DENND2C: variants seen among roughly 807,000 people sequenced by gnomAD.
DENND2C encodes the protein DENN domain-containing protein 2C.
In DENND2C, 72 loss-of-function variants were observed where a neutral mutation model predicts 112.4. The ratio of observed to expected loss-of-function variants is 0.64; its 90% CI spans 0.53 to 0.78. The LOEUF (loss-of-function observed/expected upper bound fraction) is 0.78, where lower values mean the gene tolerates loss of function less well. Ranked by LOEUF, DENND2C falls within the 30% of genes least tolerant of loss-of-function variation. The pLI is 0.00. For synonymous variants in DENND2C, 329 were observed against 381.6 expected (o/e 0.86, Z 1.61); for missense variants, 992 against 1,113.8 (o/e 0.89, Z 1.56).
At chr1:114,621,236 A>T (rs1656155935) in intron 7 of DENND2C, among the ~76,000 whole-genome samples, 1 of 152,214 alleles carries the variant, frequency 6.6e-6, no homozygotes, top group African/African-American at 2.4e-5. Flanking sequence ...CAGCCTGGGC[A>T]ATATAGCGAG....
chr1:114,630,238 G>C (rs1656452237), intron 3 of DENND2C, among the ~76,000 whole-genome samples: 5 of 151,988 alleles, frequency 3.3e-5, no homozygotes, highest in African/African-American at 1.2e-4. Context: ...AACCCGGGAG[G>C]TAGAGGCTTC....
intron 7 of DENND2C, 35 bp downstream of exon 7, chr1:114,621,856 GAAGT>G: frequency 1.3e-6 from 2 of 1,548,314 alleles, no homozygotes; most frequent in Non-Finnish European, 8.7e-7. Flanking sequence ...TGGAAATGCT[GAAGT>G]AAGAGTCAAA....
At chr1:114,632,051 G>T (rs1656504864) in intron 3 of DENND2C, among the ~76,000 whole-genome samples, 1 of 151,922 alleles carries the variant, frequency 6.6e-6, no homozygotes, top group African/African-American at 2.4e-5. Flanking sequence ...GTTTTAGAAG[G>T]AATGACCAAT....
chr1:114,628,054 C>A (rs757873423), intron 3 of DENND2C, among the ~76,000 whole-genome samples: 8 of 151,900 alleles, frequency 5.3e-5, no homozygotes, highest in Admixed American at 1.3e-4. Context: ...ACTTGTCATC[C>A]CAGGACTTTA....
At chr1:114,615,752 T>C (rs987295345) in intron 8 of DENND2C, among the ~76,000 whole-genome samples, 1 of 152,178 alleles carries the variant, frequency 6.6e-6, no homozygotes, top group Admixed American at 6.5e-5. Flanking sequence ...TGTTAGAATA[T>C]AAAATAGGTT....
At chr1:114,659,745 C>A (rs895802318) in intron 1 of DENND2C, among the ~76,000 whole-genome samples, 3 of 148,702 alleles carry the variant, frequency 2.0e-5, no homozygotes, top group African/African-American at 7.5e-5. Context: ...TTTTCCTTTC[C>A]TTTCTTCCTT....
At chr1:114,666,258 C>T (rs1657645342) in intron 1 of DENND2C, among the ~76,000 whole-genome samples, 1 of 152,154 alleles carries the variant, frequency 6.6e-6, no homozygotes, top group African/African-American at 2.4e-5. Flanking sequence ...GCAACAGCCT[C>T]CTAACTTATC....
rs546158136 is a variant in DENND2C, at chr1:114,623,014, G to T, written c.1029C>A (p.Pro343=). The change falls in exon 6 of 21, where the codon CCC becomes CCA. Residue 343 remains proline (P), a synonymous_variant. Transcript: ENST00000393274. ...TGGGTGCTTTAAAAGCACTTTTAGC[G>T]GGTGGTAGCTTCCATGCTGAAGGGG... ...WRSPSAWKLP[P]AKSAFKAPKL... The T allele has an allele frequency of 8.1e-6, 13 of 1,612,938 alleles. No individual in the cohort carries two copies. The highest frequency in any genetic ancestry group is 1.0e-5 in the Non-Finnish European group (12 of 1,179,446).
chr1:114,619,462 G>A (rs1656101365), intron 7 of DENND2C, among the ~76,000 whole-genome samples: 1 of 152,036 alleles, frequency 6.6e-6, no homozygotes, highest in Non-Finnish European at 1.5e-5. Context: ...TGTTTCTCTA[G>A]CCATCCTGAC....
chr1:114,593,511 G>A (rs781064097), intron 18 of DENND2C, among the ~76,000 whole-genome samples: 1 of 152,188 alleles, frequency 6.6e-6, no homozygotes, highest in Non-Finnish European at 1.5e-5. Flanking sequence ...TAGGCCAGGT[G>A]TGGTGGCTCA....
At chr1:114,646,365 T>C (rs1656988841) in intron 2 of DENND2C, among the ~76,000 whole-genome samples, 1 of 152,230 alleles carries the variant, frequency 6.6e-6, no homozygotes, top group African/African-American at 2.4e-5. Flanking sequence ...AGGAAAATGG[T>C]GTGACATTTT....
chr1:114,601,090 C>T (rs1655492232), intron 13 of DENND2C, 130 bp from the exon 14 acceptor site: 5 of 990,198 alleles, frequency 5.0e-6, no homozygotes, highest in Non-Finnish European at 5.6e-6. Context: ...AGATAAGCTT[C>T]TGCAATCAAT....
At chr1:114,600,394 A>G (rs1181609522) in intron 14 of DENND2C, 42 bp from the exon 15 acceptor site, 2 of 1,611,780 alleles carry the variant, frequency 1.2e-6, no homozygotes, top group Non-Finnish European at 1.7e-6. Flanking sequence ...AATGTTGGAA[A>G]ACAATCCCTA....
chr1:114,638,299 T>C (rs1656711078), intron 3 of DENND2C, among the ~76,000 whole-genome samples: 1 of 152,096 alleles, frequency 6.6e-6, no homozygotes, highest in Non-Finnish European at 1.5e-5. Context: ...TAAACCTAAC[T>C]ACTAAGAGCT....
intron 14 of DENND2C, among the ~76,000 whole-genome samples, 193 bp downstream of exon 14, chr1:114,600,627 C>A (rs560109871): frequency 6.6e-6 from 1 of 152,122 alleles, no homozygotes; most frequent in Admixed American, 6.6e-5. Flanking sequence ...GGTAGAAAAT[C>A]TCTGGGTCCT....
At chr1:114,640,163 G>T (rs1191931874) in intron 3 of DENND2C, among the ~76,000 whole-genome samples, 3 of 152,058 alleles carry the variant, frequency 2.0e-5, no homozygotes, top group African/African-American at 4.8e-5. Flanking sequence ...ATTAACTAAG[G>T]CTTGTCTGAT....
At position 114,587,863 on chromosome 1, in the gene DENND2C, C is replaced by T. The variant is rs1473536575; in HGVS notation, c.2521G>A (p.Glu841Lys). Residue 841 changes from glutamate (E) to lysine (K), a missense_variant, in exon 19 of 21, where the codon GAG becomes AAG. Transcript: ENST00000393274. ...CTTTGGAAAACACGCTCCCCACGCT[C>T]AGTGACAGTCATGTTCAAAGAATAA... The part of the protein sequence containing the change: ...GHYSLNMTVT[E>K]RGERVFQREP... 20 of 1,614,124 alleles carry T rather than the reference C, an allele frequency of 1.2e-5. No homozygotes were observed. The highest frequency in any genetic ancestry group is 1.7e-5 in the Non-Finnish European group (20 of 1,180,034).
At chr1:114,657,201 T>G (rs942032220) in intron 1 of DENND2C, among the ~76,000 whole-genome samples, 1 of 152,280 alleles carries the variant, frequency 6.6e-6, no homozygotes, top group African/African-American at 2.4e-5. Context: ...CATTCTGGTA[T>G]GTAGTAGCAT....
intron 9 of DENND2C, among the ~76,000 whole-genome samples, chr1:114,609,567 G>A (rs1655755713): frequency 6.6e-6 from 1 of 152,166 alleles, no homozygotes; most frequent in African/African-American, 2.4e-5. Context: ...ATTAAAACTG[G>A]ATAGCATCTA....
Sources: gnomAD v4.1 joint callset for allele counts (sites outside exome capture counted in the v4.1 genomes callset) on GRCh38, gnomAD v4.1.1 for gene constraint, MANE v1.5 for transcripts, NCBI Gene and HGNC (gene_info 2026-07-23, HGNC 2026-07-21) for gene names.